The following SETBP1 variants were observed in gnomAD, a reference collection of about 807,000 sequenced individuals.
SETBP1 encodes SET-binding protein.
In SETBP1, 9 loss-of-function variants were observed where a neutral mutation model predicts 101.0. The ratio of observed to expected loss-of-function variants is 0.09; its 90% CI spans 0.05 to 0.16. The LOEUF (loss-of-function observed/expected upper bound fraction) is 0.16. SETBP1 is among the 10% of genes least tolerant of loss of function. SETBP1 has a pLI of 1.00. For synonymous variants in SETBP1, 818 were observed against 788.5 expected (o/e 1.04, Z -0.63); for missense variants, 1,858 against 2,033.8 (o/e 0.91, Z 1.66).
At chr18:44,768,670 A>G (rs1342223693) in intron 2 of SETBP1, among the ~76,000 whole-genome samples, 7 of 152,182 alleles carry the variant, frequency 4.6e-5, no homozygotes, top group Non-Finnish European at 5.9e-5. Context: ...ATTTATAATG[A>G]TCATTGCTTA....
chr18:44,766,247 C>T (rs554235769), intron 2 of SETBP1, among the ~76,000 whole-genome samples: 10 of 152,318 alleles, frequency 6.6e-5, no homozygotes, highest in South Asian at 4.1e-4. Flanking sequence ...CAGTGGACAA[C>T]GGGTCATGGG....
At chr18:44,847,332 G>A (rs535740443) in intron 2 of SETBP1, among the ~76,000 whole-genome samples, 3 of 152,186 alleles carry the variant, frequency 2.0e-5, no homozygotes, top group Non-Finnish European at 2.9e-5. Context: ...GTTCTGCCAC[G>A]GTGCCTGGAT....
intron 1 of SETBP1, among the ~76,000 whole-genome samples, chr18:44,689,311 G>T (rs2068889396): frequency 1.3e-5 from 2 of 152,194 alleles, no homozygotes; most frequent in Non-Finnish European, 2.9e-5. Context: ...GAAGATGAAG[G>T]TCAGAAGGCT....
chr18:45,027,821 A>T (rs1425747239), intron 4 of SETBP1, among the ~76,000 whole-genome samples: 1 of 152,182 alleles, frequency 6.6e-6, no homozygotes, highest in Non-Finnish European at 1.5e-5. Flanking sequence ...CAGAAGTCTG[A>T]ATGGGACTCA....
intron 2 of SETBP1, among the ~76,000 whole-genome samples, chr18:44,704,141 C>T (rs2069171169): frequency 6.6e-6 from 1 of 152,190 alleles, no homozygotes; most frequent in African/African-American, 2.4e-5. Flanking sequence ...ATATAGCTTT[C>T]TCCCCATTGG....
At chr18:44,996,898 T>C (rs1002673307) in intron 4 of SETBP1, among the ~76,000 whole-genome samples, 6 of 152,150 alleles carry the variant, frequency 3.9e-5, no homozygotes, top group African/African-American at 1.4e-4. Context: ...GGCAAAATAA[T>C]GGACACTCCT....
At chr18:44,729,079 C>T (rs1214392464) in intron 2 of SETBP1, among the ~76,000 whole-genome samples, 3 of 152,172 alleles carry the variant, frequency 2.0e-5, no homozygotes, top group Non-Finnish European at 4.4e-5. Flanking sequence ...GGCATAGACA[C>T]AGTAGGTCAT....
Position 44,950,286 on chromosome 18 carries a change from G to A in SETBP1, c.946G>A (p.Asp316Asn), listed in dbSNP as rs1321414005. 3.7e-6 allele frequency: 6 copies of A among 1,613,910 alleles called. No homozygotes were observed. Among genetic ancestry groups the A allele is most frequent in the South Asian group, 2.2e-5 (2 of 91,086 alleles). ...GTGCAACGGGCTTCAGCCCTTGGTGGATCAAGATGGAGGAGGTACAAAGGA... is the reference window on the plus strand; with the variant it reads ...GTGCAACGGGCTTCAGCCCTTGGTGAATCAAGATGGAGGAGGTACAAAGGA... Reference protein sequence around the residue: ...AECNGLQPLVDQDGGGTKEPP... With the variant: ...AECNGLQPLVNQDGGGTKEPP... Residue 316 changes from aspartate to asparagine, a missense_variant, in exon 4 of 6, where the codon GAT becomes AAT. Coordinates refer to ENST00000649279, the MANE Select transcript of SETBP1 (RefSeq NM_015559.3).
chr18:44,995,123 C>T (rs1005292195), intron 4 of SETBP1, among the ~76,000 whole-genome samples: 1 of 150,180 alleles, frequency 6.7e-6, no homozygotes, highest in African/African-American at 2.5e-5. Flanking sequence ...AGACAACTGA[C>T]CATGTTATTT....
At chr18:44,939,616 A>G (rs2071041474) in intron 3 of SETBP1, among the ~76,000 whole-genome samples, 1 of 152,206 alleles carries the variant, frequency 6.6e-6, no homozygotes, top group Admixed American at 6.5e-5. Flanking sequence ...ATTAACTTTA[A>G]AAGACATGCT....
intron 4 of SETBP1, among the ~76,000 whole-genome samples, chr18:45,028,132 G>C (rs1232380513): frequency 1.3e-5 from 2 of 151,356 alleles, no homozygotes; most frequent in Admixed American, 6.6e-5. Context: ...TTTAGCATTA[G>C]GTATATCTCC....
At chr18:44,834,569 G>A (rs1201793592) in intron 2 of SETBP1, among the ~76,000 whole-genome samples, 2 of 152,130 alleles carry the variant, frequency 1.3e-5, no homozygotes, top group Non-Finnish European at 2.9e-5. Flanking sequence ...GAGGCACAGA[G>A]CAGGAGAAGA....
intron 5 of SETBP1, among the ~76,000 whole-genome samples, chr18:45,062,344 G>A (rs1004860898): frequency 1.3e-5 from 2 of 152,186 alleles, no homozygotes; most frequent in Non-Finnish European, 2.9e-5. Flanking sequence ...TTCCCTTGAG[G>A]TTCCCAGAGG....
chr18:44,885,905 G>A (rs1278461582), intron 3 of SETBP1, among the ~76,000 whole-genome samples: 1 of 142,252 alleles, frequency 7.0e-6, no homozygotes, highest in Non-Finnish European at 1.5e-5. Context: ...CTTCAATTCT[G>A]CTATTCCTTG....
chr18:44,967,239 G>A (rs1324971909), intron 4 of SETBP1, among the ~76,000 whole-genome samples: 2 of 152,154 alleles, frequency 1.3e-5, no homozygotes, highest in African/African-American at 4.8e-5. Flanking sequence ...CAAAGATAAC[G>A]GAAAGCTCAC....
chr18:45,037,289 A>T (rs192892042), intron 4 of SETBP1, among the ~76,000 whole-genome samples: 19 of 152,198 alleles, frequency 1.2e-4, no homozygotes, highest in Non-Finnish European at 2.2e-4. Context: ...TTGTTTTTGC[A>T]TTGGGGTTGG....
chr18:44,818,031 A>C (rs1254782504), intron 2 of SETBP1, among the ~76,000 whole-genome samples: 2 of 152,126 alleles, frequency 1.3e-5, no homozygotes, highest in African/African-American at 2.4e-5. Flanking sequence ...GTCTTTACTC[A>C]CTCAGCACCA....
At chr18:44,914,632 T>C (rs1380115663) in intron 3 of SETBP1, among the ~76,000 whole-genome samples, 1 of 152,022 alleles carries the variant, frequency 6.6e-6, no homozygotes, top group Non-Finnish European at 1.5e-5. Context: ...TGGGAGGTGG[T>C]AGGAAGAGGT....
At chr18:44,948,334 G>A (rs760369327) in intron 3 of SETBP1, among the ~76,000 whole-genome samples, 3 of 152,190 alleles carry the variant, frequency 2.0e-5, no homozygotes, top group Non-Finnish European at 2.9e-5. Flanking sequence ...AGAAACTAGT[G>A]TGAAGGAAAT....
Sources: allele counts gnomAD v4.1 joint callset (sites outside exome capture counted in the v4.1 genomes callset), GRCh38; gene constraint gnomAD v4.1.1; transcripts MANE v1.5; gene names NCBI Gene and HGNC (gene_info 2026-07-23, HGNC 2026-07-21).